Variants in ANKRD30BL observed in about 807,000 individuals in gnomAD.
ANKRD30BL encodes the protein ankyrin repeat domain 30B like, also known as putative ankyrin repeat domain-containing protein 30B-like.
ANKRD30BL carries 20 observed loss-of-function variants against 18.4 expected under a neutral mutation model. The observed-to-expected ratio is 1.09, with a 90% CI of 0.77 to 1.58. ANKRD30BL has a LOEUF of 1.58. ANKRD30BL is among the 40% of genes most tolerant of loss of function. The pLI, the probability that ANKRD30BL is intolerant of heterozygous loss-of-function variation, is 0.00. For missense variants in ANKRD30BL, 224 were observed against 268.6 expected (o/e 0.83, Z 1.16); for synonymous variants, 72 against 100.9 (o/e 0.71, Z 1.72).
chr2:132,188,871 T>C (rs1218765433), intron 1 of ANKRD30BL, among the ~76,000 whole-genome samples: 4 of 152,174 alleles, frequency 2.6e-5, no homozygotes, highest in South Asian at 2.1e-4. Context: ...ACATCAGGCT[T>C]ATTAAGTCAC....
rs556604039 is a variant in ANKRD30BL at position 132,169,344 on chromosome 2, T to C, written n.442-12198A>G. On this transcript the variant is annotated intron_variant and non_coding_transcript_variant, in intron 1 of 4. Transcript: ENST00000470729. ...AGCCTTCTCAGTTCATTTTACATAA[T>C]CTTACATATTAAGATGAATGGTGGC... is the stretch of plus-strand genomic sequence containing the variant. 7.2e-5 allele frequency among the ~76,000 whole-genome samples: 11 copies of C among 152,296 alleles called. No homozygotes were observed. In the East Asian group the frequency reaches 2.1e-3, roughly 29 times the overall value.
intron 1 of ANKRD30BL, among the ~76,000 whole-genome samples, chr2:132,245,256 G>A (rs1174720729): frequency 6.6e-6 from 1 of 152,280 alleles, no homozygotes; most frequent in Non-Finnish European, 1.5e-5. Context: ...GGCCTTTGCT[G>A]TAAACGGGAA....
At chr2:132,176,014 C>G (rs1688362615) in intron 1 of ANKRD30BL, among the ~76,000 whole-genome samples, 1 of 152,214 alleles carries the variant, frequency 6.6e-6, no homozygotes, top group Non-Finnish European at 1.5e-5. Context: ...GACACAGTAA[C>G]AGTCTGATCT....
intron 1 of ANKRD30BL, among the ~76,000 whole-genome samples, chr2:132,212,954 A>C (rs1255938232): frequency 6.6e-6 from 1 of 151,254 alleles, no homozygotes; most frequent in Non-Finnish European, 1.5e-5. Context: ...AGCGATTTGC[A>C]GCCTGTGGTG....
intron 1 of ANKRD30BL, among the ~76,000 whole-genome samples, chr2:132,190,590 T>C (rs1678826061): frequency 6.6e-6 from 1 of 151,976 alleles, no homozygotes; most frequent in Non-Finnish European, 1.5e-5. Context: ...ATACAAATTG[T>C]GTAATATAGG....
intron 1 of ANKRD30BL, among the ~76,000 whole-genome samples, chr2:132,198,316 CTTTCTTTCTT>C (rs1679013985): frequency 7.8e-4 from 9 of 11,532 alleles, no homozygotes; most frequent in East Asian, 2.8e-3. Flanking sequence ...TTCTTTCTTT[CTTTCTTTCTT>C]TTTTTTTTTT....
At chr2:132,222,862 A>AAAAAAAAAAC in intron 1 of ANKRD30BL, among the ~76,000 whole-genome samples, 1 of 145,220 alleles carries the variant, frequency 6.9e-6, no homozygotes, top group African/African-American at 2.7e-5. Context: ...AAAAAAAAAA[A>AAAAAAAAAAC]AAGAAACACT....
intron 1 of ANKRD30BL, among the ~76,000 whole-genome samples, chr2:132,195,298 G>T (rs1210170704): frequency 4.6e-5 from 7 of 152,142 alleles, no homozygotes; most frequent in Non-Finnish European, 2.9e-5. Context: ...ATGACATGTA[G>T]AGAACTTCTC....
intron 1 of ANKRD30BL, among the ~76,000 whole-genome samples, chr2:132,241,786 ACT>A: frequency 6.6e-6 from 1 of 151,692 alleles, no homozygotes; most frequent in South Asian, 2.1e-4. Context: ...GTTTTGAAAC[ACT>A]CTTTTTGTAG....
At chr2:132,190,056 G>T (rs1678813397) in intron 1 of ANKRD30BL, among the ~76,000 whole-genome samples, 1 of 151,866 alleles carries the variant, frequency 6.6e-6, no homozygotes, top group Non-Finnish European at 1.5e-5. Flanking sequence ...GTAAAATGGG[G>T]ATAATATTCT....
intron 1 of ANKRD30BL, among the ~76,000 whole-genome samples, chr2:132,169,646 A>T (rs1171613342): frequency 3.9e-4 from 34 of 88,092 alleles, no homozygotes; most frequent in African/African-American, 1.2e-3. Flanking sequence ...ACTCTGTCTA[A>T]AAAAAAAAAA....
intron 1 of ANKRD30BL, among the ~76,000 whole-genome samples, chr2:132,231,419 C>T (rs1442085098): frequency 1.3e-5 from 2 of 152,202 alleles, no homozygotes; most frequent in Admixed American, 6.6e-5. Context: ...GCCTTTCCAT[C>T]TGAGGTGCCA....
At chr2:132,233,288 A>G (rs1318742413) in intron 1 of ANKRD30BL, among the ~76,000 whole-genome samples, 2 of 151,468 alleles carry the variant, frequency 1.3e-5, no homozygotes, top group African/African-American at 4.9e-5. Context: ...TAATGAGCAA[A>G]ATAACCAGCT....
chr2:132,237,069 G>C (rs1321647253), intron 1 of ANKRD30BL, among the ~76,000 whole-genome samples: 4 of 151,714 alleles, frequency 2.6e-5, no homozygotes, highest in Non-Finnish European at 5.9e-5. Flanking sequence ...GGTGGGAATT[G>C]AGCAATGAGA....
chr2:132,232,316 C>G (rs200061338), intron 1 of ANKRD30BL, among the ~76,000 whole-genome samples: 19 of 152,270 alleles, frequency 1.2e-4, no homozygotes, highest in Middle Eastern at 6.8e-3. Context: ...TCACCAGCAA[C>G]GGAACAAAGC....
At chr2:132,229,894 A>C (rs1259867706) in intron 1 of ANKRD30BL, among the ~76,000 whole-genome samples, 4 of 151,864 alleles carry the variant, frequency 2.6e-5, no homozygotes, top group Non-Finnish European at 4.4e-5. Context: ...GTTTTGAAAC[A>C]CTCTGTTCGC....
chr2:132,218,846 G>A (rs534750383), intron 1 of ANKRD30BL, among the ~76,000 whole-genome samples: 163 of 152,284 alleles, frequency 1.1e-3, no homozygotes, highest in African/African-American at 3.6e-3. Context: ...ACTTCTTTGT[G>A]ATGCGTACAT....
At chr2:132,158,809 AAT>A (rs1411993068) in intron 1 of ANKRD30BL, among the ~76,000 whole-genome samples, 53 of 151,044 alleles carry the variant, frequency 3.5e-4, no homozygotes, top group African/African-American at 1.3e-3. Context: ...ATATAATAAA[AAT>A]ATGTGTCTAA....
rs59712551 is a variant in ANKRD30BL at position 132,183,434 on chromosome 2, T to C, written n.442-26288A>G. On this transcript the variant is annotated intron_variant and non_coding_transcript_variant, in intron 1 of 4. Transcript: ENST00000470729. The stretch of plus-strand genomic sequence containing the variant: ...ATGAATCACTGCACCCGGCCACTTT[T>C]AGAATATTTAATGCTTCATAAATAT... 4.3e-3 allele frequency among the ~76,000 whole-genome samples: 654 copies of C among 152,164 alleles called. 2 individuals carry two copies. The highest frequency in any genetic ancestry group is 0.015 in the African/African-American group (610 of 41,534).
Sources: allele counts gnomAD v4.1 joint callset (sites outside exome capture counted in the v4.1 genomes callset), GRCh38; gene constraint gnomAD v4.1.1; transcripts MANE v1.5; gene names NCBI Gene and HGNC (gene_info 2026-07-23, HGNC 2026-07-21).